Variants in ZNF385D observed in about 807,000 individuals in gnomAD.
The protein encoded by ZNF385D is zinc finger protein 659.
Under a neutral mutation model 35.8 loss-of-function variants are expected in ZNF385D, and 15 were observed. The ratio of observed to expected loss-of-function variants is 0.42; its 90% CI spans 0.28 to 0.64. The LOEUF is 0.64. Ranked by LOEUF, ZNF385D falls within the 30% of genes least tolerant of loss-of-function variation. ZNF385D has a pLI of 0.23. For missense variants in ZNF385D, 474 were observed against 494.6 expected, an observed-to-expected ratio of 0.96 and a Z score of 0.39; for synonymous variants, 212 against 186.8, an observed-to-expected ratio of 1.13 and a Z score of -1.10.
chr3:22,181,229 C>T (rs1014986374), intron 2 of ZNF385D, among the ~76,000 whole-genome samples: 5 of 151,932 alleles, frequency 3.3e-5, no homozygotes, highest in Non-Finnish European at 5.9e-5. Context: ...TATCTTCAGG[C>T]TATATGAGAA....
At chr3:21,705,507 C>T (rs2067864011) in intron 1 of ZNF385D, among the ~76,000 whole-genome samples, 1 of 152,168 alleles carries the variant, frequency 6.6e-6, no homozygotes, top group South Asian at 2.1e-4. Context: ...ACTTATTGAT[C>T]TCAATGATCC....
chr3:21,661,660 CTT>C (rs2066241019), intron 2 of ZNF385D, among the ~76,000 whole-genome samples: 1 of 152,162 alleles, frequency 6.6e-6, no homozygotes, highest in Non-Finnish European at 1.5e-5. Flanking sequence ...GGAAAGCTAT[CTT>C]TTGTGTGAAA....
chr3:21,708,642 A>AT (rs1039067003), intron 1 of ZNF385D, among the ~76,000 whole-genome samples: 7 of 152,258 alleles, frequency 4.6e-5, no homozygotes, highest in East Asian at 1.9e-4. Context: ...GTTTTTACAG[A>AT]TTTTTTGTAT....
intron 3 of ZNF385D, among the ~76,000 whole-genome samples, chr3:21,921,496 T>C (rs1700459573): frequency 6.6e-6 from 1 of 151,364 alleles, no homozygotes. Flanking sequence ...TATTTCTTTA[T>C]TTTTCATATG....
chr3:21,507,792 T>C (rs1489115982), intron 4 of ZNF385D, among the ~76,000 whole-genome samples: 1 of 152,126 alleles, frequency 6.6e-6, no homozygotes, highest in Non-Finnish European at 1.5e-5. Context: ...CACATAGTAA[T>C]AAAAAGAACA....
intron 3 of ZNF385D, among the ~76,000 whole-genome samples, chr3:21,944,401 G>A (rs1472881620): frequency 6.6e-6 from 1 of 152,168 alleles, no homozygotes; most frequent in African/African-American, 2.4e-5. Context: ...AGCTTTCATA[G>A]GGGATGATTC....
At chr3:22,159,050 T>C (rs577612560) in intron 3 of ZNF385D, among the ~76,000 whole-genome samples, 175 of 152,106 alleles carry the variant, frequency 1.2e-3, no homozygotes, top group African/African-American at 4.0e-3. Flanking sequence ...ATGTTGTCGG[T>C]GGACGTGATT....
At chr3:21,766,486 G>C (rs904239483) in intron 3 of ZNF385D, among the ~76,000 whole-genome samples, 2 of 152,126 alleles carry the variant, frequency 1.3e-5, no homozygotes, top group Non-Finnish European at 2.9e-5. Context: ...TTTGAGGAAA[G>C]AGTACGATCA....
intron 3 of ZNF385D, among the ~76,000 whole-genome samples, chr3:21,827,280 T>C (rs1165933012): frequency 2.0e-5 from 3 of 152,196 alleles, no homozygotes; most frequent in African/African-American, 4.8e-5. Context: ...TGGATATTGT[T>C]TATTTTATAT....
At chr3:22,200,445 G>A (rs1467922643) in intron 2 of ZNF385D, among the ~76,000 whole-genome samples, 2 of 152,044 alleles carry the variant, frequency 1.3e-5, no homozygotes, top group Non-Finnish European at 2.9e-5. Context: ...TACAAATAGG[G>A]TGTGGGTCAC....
At chr3:21,830,363 C>T (rs757908971) in intron 3 of ZNF385D, among the ~76,000 whole-genome samples, 3 of 152,148 alleles carry the variant, frequency 2.0e-5, no homozygotes, top group Non-Finnish European at 4.4e-5. Flanking sequence ...TTACATTGAT[C>T]TGTTATGTTA....
intron 3 of ZNF385D, among the ~76,000 whole-genome samples, chr3:21,809,972 AT>A (rs1456295541): frequency 2.0e-5 from 3 of 152,238 alleles, no homozygotes; most frequent in African/African-American, 7.2e-5. Flanking sequence ...TTCAAGAAAA[AT>A]TTACATGGAT....
chr3:21,792,479 A>C (rs147186240), intron 3 of ZNF385D, among the ~76,000 whole-genome samples: 1 of 152,338 alleles, frequency 6.6e-6, no homozygotes, highest in East Asian at 1.9e-4. Context: ...CTACAATGGC[A>C]CAGTTGAGTA....
chr3:22,226,080 A>G (rs968167094), intron 2 of ZNF385D, among the ~76,000 whole-genome samples: 15 of 152,156 alleles, frequency 9.9e-5, no homozygotes, highest in East Asian at 1.9e-4. Flanking sequence ...AAAAGAAACT[A>G]TATGTGGAAA....
chr3:21,530,698 G>T (rs1368278061), intron 3 of ZNF385D, among the ~76,000 whole-genome samples: 1 of 152,018 alleles, frequency 6.6e-6, no homozygotes, highest in Non-Finnish European at 1.5e-5. Flanking sequence ...GGAAACTGAG[G>T]TTCGAAGTCC....
At chr3:22,008,037 T>C (rs1679256) in intron 3 of ZNF385D, among the ~76,000 whole-genome samples, 37,353 of 151,868 alleles carry the variant, frequency 0.25, 5,090 homozygotes, top group Non-Finnish European at 0.3. Context: ...CTCTGATGCA[T>C]GTGAACTTTA....
intron 3 of ZNF385D, among the ~76,000 whole-genome samples, chr3:22,153,758 A>AT (rs1705414119): frequency 6.6e-6 from 1 of 151,954 alleles, no homozygotes; most frequent in South Asian, 2.1e-4. Context: ...TTCTTAACAG[A>AT]TTTTTAGCAA....
intron 1 of ZNF385D, among the ~76,000 whole-genome samples, chr3:21,707,646 C>G (rs938597848): frequency 6.6e-6 from 1 of 152,132 alleles, no homozygotes; most frequent in Non-Finnish European, 1.5e-5. Context: ...CTGAAATGGG[C>G]TCTCCTGAGA....
chr3:21,597,338 C>CT (rs2064154710), intron 2 of ZNF385D, among the ~76,000 whole-genome samples: 1 of 150,690 alleles, frequency 6.6e-6, no homozygotes, highest in African/African-American at 2.5e-5. Flanking sequence ...CTATTTTCAA[C>CT]GTATGTTAAA....
Sources: allele counts gnomAD v4.1 joint callset (sites outside exome capture counted in the v4.1 genomes callset), GRCh38; gene constraint gnomAD v4.1.1; transcripts MANE v1.5; gene names NCBI Gene and HGNC (gene_info 2026-07-23, HGNC 2026-07-21).